Variants in TBC1D19 observed in about 807,000 individuals in gnomAD.
The protein encoded by TBC1D19 is TBC1 domain family member 19.
A neutral mutation model predicts 89.0 loss-of-function variants in TBC1D19; 60 were observed. That is an observed-to-expected ratio of 0.67 (90% CI 0.55 to 0.84). The LOEUF (loss-of-function observed/expected upper bound fraction) is 0.84. TBC1D19 is among the 40% of genes least tolerant of loss of function. The pLI, the probability that TBC1D19 is intolerant of heterozygous loss-of-function variation, is 0.00. For synonymous variants in TBC1D19, 189 were observed against 199.7 expected (o/e 0.95, Z 0.45); for missense variants, 500 against 610.8 (o/e 0.82, Z 1.91).
At chr4:26,751,837 CT>C (rs1311088709) in intron 19 of TBC1D19, among the ~76,000 whole-genome samples, 1 of 152,220 alleles carries the variant, frequency 6.6e-6, no homozygotes, top group East Asian at 1.9e-4. Flanking sequence ...ACCAGGACCA[CT>C]GTAGCAGCAT....
At chr4:26,659,847 AAT>A (rs1745111833) in intron 8 of TBC1D19, 140 bp downstream of exon 8, 1 of 497,466 alleles carries the variant, frequency 2.0e-6, no homozygotes, top group Non-Finnish European at 3.5e-6. Flanking sequence ...TTTTATTGCA[AAT>A]ATGTATATAG....
chr4:26,804,744 T>C, the TBC1D19 span, among the ~76,000 whole-genome samples: 1 of 152,212 alleles, frequency 6.6e-6, no homozygotes, highest in Non-Finnish European at 1.5e-5. Flanking sequence ...GTCAGTGATT[T>C]GAGCGCTGTG....
At chr4:26,704,426 C>T (rs1253269568) in intron 13 of TBC1D19, among the ~76,000 whole-genome samples, 1 of 152,170 alleles carries the variant, frequency 6.6e-6, no homozygotes, top group African/African-American at 2.4e-5. Context: ...AATCTTCCAT[C>T]ATATGCTTGG....
intron 16 of TBC1D19, among the ~76,000 whole-genome samples, chr4:26,736,433 T>C (rs892434185): frequency 1.4e-5 from 2 of 147,988 alleles, no homozygotes; most frequent in East Asian, 2.0e-4. Context: ...TTGGGAGATA[T>C]ACCTAATGCT....
chr4:26,845,214 A>AT, the TBC1D19 span, among the ~76,000 whole-genome samples: 1 of 152,120 alleles, frequency 6.6e-6, no homozygotes, highest in African/African-American at 2.4e-5. Flanking sequence ...TTTTACCATT[A>AT]TATTGCTTCT....
chr4:26,734,250 C>T (rs533237969), intron 15 of TBC1D19, among the ~76,000 whole-genome samples: 1 of 152,294 alleles, frequency 6.6e-6, no homozygotes, highest in African/African-American at 2.4e-5. Flanking sequence ...TATCGCTGGA[C>T]ATGTTTTAAA....
the TBC1D19 span, among the ~76,000 whole-genome samples, chr4:26,775,258 C>T: frequency 6.6e-6 from 1 of 152,140 alleles, no homozygotes; most frequent in Non-Finnish European, 1.5e-5. Flanking sequence ...TTGAGACCAG[C>T]CTGGGCAACA....
At chr4:26,783,446 G>A in the TBC1D19 span, among the ~76,000 whole-genome samples, 3 of 152,126 alleles carry the variant, frequency 2.0e-5, no homozygotes, top group Admixed American at 6.5e-5. Flanking sequence ...ATGAATGAGG[G>A]AAAAATGTTT....
At chr4:26,732,387 T>G (rs1252522344) in intron 15 of TBC1D19, among the ~76,000 whole-genome samples, 2 of 152,206 alleles carry the variant, frequency 1.3e-5, no homozygotes, top group East Asian at 3.9e-4. Flanking sequence ...TTCCCTCCAT[T>G]ATTTTTCTTC....
downstream of TBC1D19, among the ~76,000 whole-genome samples, chr4:26,756,626 C>A (rs1329452545): frequency 1.3e-5 from 2 of 151,996 alleles, no homozygotes; most frequent in Non-Finnish European, 2.9e-5. Flanking sequence ...ACCTGTAGGA[C>A]CAAATGAGAA....
At chr4:26,773,599 G>T in the TBC1D19 span, among the ~76,000 whole-genome samples, 1 of 152,124 alleles carries the variant, frequency 6.6e-6, no homozygotes, top group African/African-American at 2.4e-5. Context: ...ATAGTTTTGG[G>T]TTTTACATTT....
intron 3 of TBC1D19, among the ~76,000 whole-genome samples, chr4:26,617,145 G>A (rs899744303): frequency 6.6e-6 from 1 of 152,212 alleles, no homozygotes; most frequent in Non-Finnish European, 1.5e-5. Flanking sequence ...CAAGGTGCCA[G>A]CATCTGGTGA....
chr4:26,595,247 C>A (rs554933914), intron 1 of TBC1D19, among the ~76,000 whole-genome samples: 6 of 152,202 alleles, frequency 3.9e-5, no homozygotes, highest in African/African-American at 1.4e-4. Context: ...AGTCAGGTGT[C>A]TTTTCAGATC....
At chr4:26,609,167 C>T (rs1741203349) in intron 1 of TBC1D19, among the ~76,000 whole-genome samples, 1 of 150,918 alleles carries the variant, frequency 6.6e-6, no homozygotes, top group African/African-American at 2.4e-5. Flanking sequence ...ATGTAACAAA[C>T]CTGCACATTG....
At chr4:26,740,845 A>G (rs1390783112) in intron 17 of TBC1D19, 58 of 985,228 alleles carry the variant, frequency 5.9e-5, no homozygotes, top group Non-Finnish European at 6.9e-5. Flanking sequence ...TTCTAAGCCT[A>G]TATATTCCTA....
chr4:26,852,014 G>A, the TBC1D19 span, among the ~76,000 whole-genome samples: 14 of 152,122 alleles, frequency 9.2e-5, no homozygotes, highest in African/African-American at 3.4e-4. Flanking sequence ...TCCAGCTTGG[G>A]CTTTTCCTCT....
At chr4:26,708,581 A>G (rs1317163276) in intron 13 of TBC1D19, among the ~76,000 whole-genome samples, 1 of 151,986 alleles carries the variant, frequency 6.6e-6, no homozygotes, top group Non-Finnish European at 1.5e-5. Flanking sequence ...AATTTCTCTC[A>G]TCTTTCTGAG....
rs774302573 is a variant in TBC1D19, at chr4:26,638,835, G to A, written c.433+1G>A. ...AATGAAATGGGAACTGATGAACCAGGTATGTGAACAATTTTTTCTGAATGT... is the reference window on the plus strand; with the variant it reads ...AATGAAATGGGAACTGATGAACCAGATATGTGAACAATTTTTTCTGAATGT... On this transcript the variant is annotated splice_donor_variant, in intron 6 of 20. Transcript: ENST00000264866. LOFTEE classifies it high-confidence loss of function. 6 of 1,604,882 alleles carry A rather than the reference G, an allele frequency of 3.7e-6. No homozygotes were observed. The South Asian group carries it at 6.8e-5, about 18-fold the overall frequency.
At chr4:26,759,923 T>C (rs1719404065), downstream of TBC1D19, among the ~76,000 whole-genome samples, 1 of 152,244 alleles carries the variant, frequency 6.6e-6, no homozygotes, top group African/African-American at 2.4e-5. Flanking sequence ...TAAACATTTG[T>C]GCACAAGCCT....
Sources: gnomAD v4.1 joint callset for allele counts (sites outside exome capture counted in the v4.1 genomes callset) on GRCh38, gnomAD v4.1.1 for gene constraint, MANE v1.5 for transcripts, NCBI Gene and HGNC (gene_info 2026-07-23, HGNC 2026-07-21) for gene names.